Variants in LMO7 observed in about 807,000 individuals in gnomAD.
LMO7 encodes LIM domain 7.
Under a neutral mutation model 206.5 loss-of-function variants are expected in LMO7, and 120 were observed. The ratio of observed to expected loss-of-function variants is 0.58; its 90% CI spans 0.50 to 0.68. The LOEUF (loss-of-function observed/expected upper bound fraction) is 0.68. LMO7 is among the 30% of genes least tolerant of loss of function. The pLI, the probability that LMO7 is intolerant of heterozygous loss-of-function variation, is 0.00. For synonymous variants in LMO7, 706 were observed against 681.5 expected (o/e 1.04, Z -0.56); for missense variants, 1,959 against 1,957.9 (o/e 1.00, Z -0.01).
intron 3 of LMO7, among the ~76,000 whole-genome samples, chr13:75,752,785 A>G (rs1052251101): frequency 2.6e-5 from 4 of 152,228 alleles, no homozygotes; most frequent in African/African-American, 9.6e-5. Context: ...ATGGCTGAAT[A>G]GTATTCCATT....
At position 75,682,685 on chromosome 13, in the gene LMO7, C is replaced by G. The variant is rs1244216962; in HGVS notation, c.70-30497C>G. Among the ~76,000 whole-genome samples, 3 of 152,126 alleles carry G rather than the reference C, an allele frequency of 2.0e-5. No homozygotes were observed. The East Asian group carries it at 5.8e-4, about 29-fold the overall frequency. On this transcript the variant is annotated intron_variant, in intron 1 of 30. Coordinates refer to ENST00000377534, the MANE Select transcript of LMO7 (RefSeq NM_001306080.2). ...AATACACTTCTCAGAAATATCCAGT[C>G]ATTATGGGATGTATTACTGTACTTC... is the stretch of plus-strand genomic sequence containing the variant.
At chr13:75,706,388 G>A (rs895120181) in intron 1 of LMO7, among the ~76,000 whole-genome samples, 1 of 152,146 alleles carries the variant, frequency 6.6e-6, no homozygotes, top group African/African-American at 2.4e-5. Flanking sequence ...TCTTAGGTGA[G>A]TTTACAATTA....
At chr13:75,642,414 A>T (rs1006408) in intron 1 of LMO7, among the ~76,000 whole-genome samples, 2 of 142,796 alleles carry the variant, frequency 1.4e-5, no homozygotes, top group Non-Finnish European at 3.0e-5. Flanking sequence ...AGACCAGCCT[A>T]GTCAACATAG....
intron 3 of LMO7, among the ~76,000 whole-genome samples, chr13:75,730,136 G>A (rs985666290): frequency 6.6e-6 from 1 of 151,940 alleles, no homozygotes; most frequent in Admixed American, 6.5e-5. Flanking sequence ...GATGATGCTG[G>A]CCTCATCAAA....
At chr13:75,702,451 A>G (rs1299238817) in intron 1 of LMO7, among the ~76,000 whole-genome samples, 5 of 152,184 alleles carry the variant, frequency 3.3e-5, no homozygotes, top group Admixed American at 6.5e-5. Context: ...GATTACCACT[A>G]TCTTGGAAGA....
At chr13:75,685,166 G>A (rs981811946) in intron 1 of LMO7, among the ~76,000 whole-genome samples, 1 of 152,188 alleles carries the variant, frequency 6.6e-6, no homozygotes, top group Non-Finnish European at 1.5e-5. Flanking sequence ...TTTCACCTGA[G>A]TATCTTTCGG....
At chr13:75,674,383 G>C (rs1184495434) in intron 1 of LMO7, among the ~76,000 whole-genome samples, 1 of 152,118 alleles carries the variant, frequency 6.6e-6, no homozygotes, top group Non-Finnish European at 1.5e-5. Flanking sequence ...TTGATAACTT[G>C]TAAAAAGTTT....
At chr13:75,659,319 T>G (rs770113123) in intron 1 of LMO7, among the ~76,000 whole-genome samples, 5 of 152,334 alleles carry the variant, frequency 3.3e-5, no homozygotes, top group Non-Finnish European at 7.4e-5. Flanking sequence ...CCCCAATCCA[T>G]TAATGTGGTG....
chr13:75,711,485 T>G (rs1279117117), intron 1 of LMO7, among the ~76,000 whole-genome samples: 1 of 152,234 alleles, frequency 6.6e-6, no homozygotes, highest in Non-Finnish European at 1.5e-5. Context: ...GAGCCTGTTA[T>G]TGGTCTATTC....
chr13:75,849,146 A>G lies in LMO7; in HGVS notation c.4218A>G (p.Gln1406=). The change falls in exon 27 of 31, where the codon CAA becomes CAG. Residue 1406 remains glutamine (Q), a synonymous_variant. Transcript: ENST00000377534. ...TSSQRRSKKE[Q]VPSGAELERQ... ...CACAGAGGAGATCCAAGAAAGAACAAGTACCATCAGGAGCAGAATTGGAGA... is the reference window on the plus strand; with the variant it reads ...CACAGAGGAGATCCAAGAAAGAACAGGTACCATCAGGAGCAGAATTGGAGA... 1.2e-6 allele frequency: 2 copies of G among 1,613,708 alleles called. No homozygotes were observed. The highest frequency in any genetic ancestry group is 1.7e-6 in the Non-Finnish European group (2 of 1,179,582).
intron 1 of LMO7, among the ~76,000 whole-genome samples, chr13:75,694,588 T>C (rs978117309): frequency 6.6e-6 from 1 of 151,274 alleles, no homozygotes; most frequent in Non-Finnish European, 1.5e-5. Flanking sequence ...AGAACCAGAG[T>C]GGAGAGAATT....
At chr13:75,820,146 A>G (rs1220874525) in intron 13 of LMO7, among the ~76,000 whole-genome samples, 1 of 152,218 alleles carries the variant, frequency 6.6e-6, no homozygotes, top group African/African-American at 2.4e-5. Flanking sequence ...AAAAGGAAAT[A>G]TGCTGTCAGG....
intron 3 of LMO7, among the ~76,000 whole-genome samples, chr13:75,745,117 G>C (rs1407527709): frequency 6.6e-6 from 1 of 152,198 alleles, no homozygotes; most frequent in Non-Finnish European, 1.5e-5. Context: ...CATTTGATCA[G>C]GAGCCTGGAG....
chr13:75,858,115 A>T lies in LMO7; in HGVS notation c.*172A>T. The stretch of plus-strand genomic sequence containing the variant: ...GCATTGTAGTCTTGGTAGAACCAGT[A>T]TTTTTGTTGTTTATTTATAAGGTAA... On this transcript the variant is annotated 3_prime_UTR_variant, in exon 31 of 31. Transcript: ENST00000377534. The T allele has an allele frequency of 1.7e-6, 1 of 576,238 alleles. No individual in the cohort carries two copies. The highest frequency in any genetic ancestry group is 2.9e-6 in the Non-Finnish European group (1 of 347,614). The allele number at this position is 576,238 out of a possible 1,614,324, so 35.7% of individuals were successfully genotyped here.
chr13:75,789,483 C>T (rs932947182), intron 4 of LMO7, among the ~76,000 whole-genome samples: 10 of 152,254 alleles, frequency 6.6e-5, no homozygotes, highest in African/African-American at 2.4e-4. Context: ...AAGCTTTACT[C>T]CCACGTGGGG....
intron 1 of LMO7, among the ~76,000 whole-genome samples, chr13:75,643,513 C>T (rs1313821770): frequency 1.3e-5 from 2 of 152,244 alleles, no homozygotes; most frequent in East Asian, 3.9e-4. Flanking sequence ...AAAGGTTGGC[C>T]TATTTAATTG....
intron 2 of LMO7, among the ~76,000 whole-genome samples, chr13:75,719,020 C>G (rs1286017260): frequency 1.3e-5 from 2 of 151,318 alleles, no homozygotes; most frequent in Non-Finnish European, 2.9e-5. Flanking sequence ...ACTCTTGTCC[C>G]CCAGGCTGGA....
chr13:75,681,718 G>GTATATATA (rs71127572), intron 1 of LMO7, among the ~76,000 whole-genome samples: 1,679 of 104,290 alleles, frequency 0.016, 51 homozygotes, highest in South Asian at 0.029. Flanking sequence ...ATATATATAT[G>GTATATATA]TATATATATA....
intron 6 of LMO7, among the ~76,000 whole-genome samples, 178 bp from the exon 7 acceptor site, chr13:75,800,506 T>C (rs2054590409): frequency 6.6e-6 from 1 of 152,202 alleles, no homozygotes; most frequent in African/African-American, 2.4e-5. Flanking sequence ...GGGCAAACAA[T>C]TACAAATTTA....
Sources: allele counts gnomAD v4.1 joint callset (sites outside exome capture counted in the v4.1 genomes callset), GRCh38; gene constraint gnomAD v4.1.1; transcripts MANE v1.5; gene names NCBI Gene and HGNC (gene_info 2026-07-23, HGNC 2026-07-21).